The following EI24 variants were observed in gnomAD, a reference collection of about 807,000 sequenced individuals.
The protein encoded by EI24 is EI24 autophagy associated transmembrane protein, also known as etoposide-induced protein 2.4 homolog.
A neutral mutation model predicts 48.6 loss-of-function variants in EI24; 21 were observed. The ratio of observed to expected loss-of-function variants is 0.43; its 90% CI spans 0.31 to 0.62. EI24 has a LOEUF of 0.62. EI24 is among the 20% of genes least tolerant of loss of function. The pLI, the probability that EI24 is intolerant of heterozygous loss-of-function variation, is 0.10. For synonymous variants in EI24, 114 were observed against 145.5 expected (o/e 0.78, Z 1.56); for missense variants, 280 against 410.5 (o/e 0.68, Z 2.75).
intron 1 of EI24, chr11:125,569,818 G>C: frequency 3.9e-6 from 1 of 253,622 alleles, no homozygotes; most frequent in Non-Finnish European, 7.5e-6. Context: ...TCCGCACCTC[G>C]CGTGATCCGT....
In EI24 at chr11:125,581,564, T is replaced by TTTG. The variant is rs1463055184; in HGVS notation, c.785+242_785+243insTTG. On this transcript the variant is annotated intron_variant, in intron 9 of 10. Transcript: ENST00000278903. Reference sequence around the variant, plus strand: ...TTTTTTTTTTTTTTTTTTTTTTTTTTGAGACAGAGTCTCACTCTGTCGCCC... The same window carrying TTTG: ...TTTTTTTTTTTTTTTTTTTTTTTTTTTTGGAGACAGAGTCTCACTCTGTCGCCC... Among the ~76,000 whole-genome samples, 3 of 133,202 alleles carry TTTG rather than the reference T, an allele frequency of 2.3e-5. 1 individual carries two copies. The highest frequency in any genetic ancestry group is 3.2e-5 in the Non-Finnish European group (2 of 61,788). 87.4% of individuals were successfully genotyped at this position (133,202 alleles called of 152,430 possible).
Position 125,580,197 on chromosome 11 carries a change from C to T in EI24, c.666C>T (p.Phe222=). ...TGTACTGCTTTGAATATCGTTGGTT[C>T]AATAAAGGTAAGTCCATCTAAAGAA... ...YSLYCFEYRW[F]NKGIEMHQRL... is the part of the protein sequence containing the mutation. The change falls in exon 8 of 11, where the codon TTC becomes TTT. Residue 222 remains phenylalanine (F), a synonymous_variant. Coordinates refer to ENST00000278903, the MANE Select transcript of EI24 (RefSeq NM_004879.5). 6.2e-7 allele frequency: 1 copy of T among 1,608,582 alleles called. No homozygotes were observed. Among genetic ancestry groups the T allele is most frequent in the Non-Finnish European group, 8.5e-7 (1 of 1,175,090 alleles).
chr11:125,574,321 G>A (rs1256762502), intron 2 of EI24, among the ~76,000 whole-genome samples: 1 of 152,088 alleles, frequency 6.6e-6, no homozygotes, highest in African/African-American at 2.4e-5. Context: ...CTGCCCCACT[G>A]GACTGTAGAT....
Position 125,569,540 on chromosome 11 carries a change from G to T in EI24, c.-104G>T. The T allele has an allele frequency of 2.7e-6, 1 of 376,876 alleles. No homozygotes were observed. 23.3% of individuals were successfully genotyped at this position (376,876 alleles called of 1,614,324 possible). On this transcript the variant is annotated 5_prime_UTR_variant, in exon 1 of 11. Transcript: ENST00000278903. ...GCGGAGCTGGCCTGCGGTGGGCTAG[G>T]GGCAGGGCCGGAGCCGCGGCGGCGG...
chr11:125,577,611 G>A (rs1386677718), intron 5 of EI24, 41 bp downstream of exon 5: 1 of 1,524,866 alleles, frequency 6.6e-7, no homozygotes, highest in Admixed American at 1.9e-5. Context: ...GGGACAGAGT[G>A]GGAGATGATG....
At chr11:125,572,814 C>A (rs1014149329) in intron 2 of EI24, among the ~76,000 whole-genome samples, 2 of 142,304 alleles carry the variant, frequency 1.4e-5, no homozygotes, top group African/African-American at 5.2e-5. Flanking sequence ...CCCTAATCAT[C>A]TTGGCTTCAG....
intron 10 of EI24, among the ~76,000 whole-genome samples, chr11:125,583,304 A>C (rs1939091280): frequency 6.6e-6 from 1 of 152,078 alleles, no homozygotes. Context: ...TCAGCCTCCC[A>C]AAGTGCTGGG....
At chr11:125,578,793 G>A (rs1299864807) in intron 6 of EI24, among the ~76,000 whole-genome samples, 156 bp from the exon 7 acceptor site, 2 of 152,166 alleles carry the variant, frequency 1.3e-5, no homozygotes, top group African/African-American at 2.4e-5. Flanking sequence ...AGCCTCCTGA[G>A]TAGCTGGGAC....
Position 125,581,198 on chromosome 11 carries a change from TTTC to T in EI24, c.674-10_674-8del. The T allele has an allele frequency of 6.3e-7, 1 of 1,590,538 alleles. No individual in the cohort carries two copies. Among genetic ancestry groups the T allele is most frequent in the Non-Finnish European group, 8.6e-7 (1 of 1,161,404 alleles). The stretch of plus-strand genomic sequence containing the variant: ...AAATATAATATCTAATTGTATTGGC[TTTC>T]TTGTTTTAGGAATTGAAATGCACCA... On this transcript the variant is annotated splice_polypyrimidine_tract_variant and intron_variant, in intron 8 of 10. Coordinates refer to ENST00000278903, the MANE Select transcript of EI24 (RefSeq NM_004879.5).
chr11:125,571,692 C>G (rs544748488), intron 1 of EI24, among the ~76,000 whole-genome samples: 31 of 152,190 alleles, frequency 2.0e-4, no homozygotes, highest in African/African-American at 7.2e-4. Context: ...GCCTGGCCAA[C>G]ATGGCGAAAC....
chr11:125,583,725 C>T lies in EI24; in HGVS notation c.*42C>T, dbSNP rs760187063. The T allele has an allele frequency of 4.4e-6, 7 of 1,590,648 alleles. No individual in the cohort carries two copies. Among genetic ancestry groups the T allele is most frequent in the Non-Finnish European group, 6.0e-6 (7 of 1,168,384 alleles). ...AGGGGATGGGCGGGATTGGAAGAAG[C>T]TGTGGCAGCTCTTTTCCCTGTTCAC... On this transcript the variant is annotated 3_prime_UTR_variant, in exon 11 of 11. Coordinates refer to ENST00000278903, the MANE Select transcript of EI24 (RefSeq NM_004879.5).
At chr11:125,579,560 G>A (rs905936463) in intron 7 of EI24, among the ~76,000 whole-genome samples, 9 of 151,994 alleles carry the variant, frequency 5.9e-5, no homozygotes, top group Admixed American at 4.6e-4. Flanking sequence ...CCAGCTACTC[G>A]GGAAGCTGAG....
chr11:125,578,041 G>T, intron 5 of EI24, 92 bp from the exon 6 acceptor site: 1 of 1,472,960 alleles, frequency 6.8e-7, no homozygotes, highest in Middle Eastern at 2.4e-4. Flanking sequence ...GATCCAGGAG[G>T]AGACAGAGAA....
rs1939048334 is a variant in EI24 at position 125,582,370 on chromosome 11, T to C, written c.810T>C (p.Phe270=). The C allele has an allele frequency of 1.3e-6, 2 of 1,594,640 alleles. No homozygotes were observed. Among genetic ancestry groups the C allele is most frequent in the Non-Finnish European group, 1.7e-6 (2 of 1,171,046 alleles). The stretch of plus-strand genomic sequence containing the variant: ...GTGGCTGCCTTTTCTCTATCCTCTT[T>C]CCTTTATTCATTATCAGCGCCAATG... The part of the protein sequence containing the change: ...IISGCLFSIL[F]PLFIISANEA... Residue 270 remains phenylalanine, a synonymous_variant, in exon 10 of 11, where the codon TTT becomes TTC. Coordinates refer to ENST00000278903, the MANE Select transcript of EI24 (RefSeq NM_004879.5).
intron 8 of EI24, 118 bp downstream of exon 8, chr11:125,580,322 A>T: frequency 1.3e-6 from 1 of 760,734 alleles, no homozygotes; most frequent in Non-Finnish European, 2.3e-6. Flanking sequence ...TGAGGGAAGC[A>T]GCCTCATTGG....
At position 125,577,866 on chromosome 11, in the gene EI24, C is replaced by T. The variant is rs1591357709; in HGVS notation, c.317-267C>T. The T allele has an allele frequency of 3.3e-5, 19 of 576,878 alleles. No homozygotes were observed. The East Asian group carries it at 5.4e-4, about 17-fold the overall frequency. 35.7% of individuals were successfully genotyped at this position (576,878 alleles called of 1,614,324 possible). ...CAGATGGTATCCTGCAGATAGCGTA[C>T]TGGTAATCACTGTGGCATCTCGTTA... On this transcript the variant is annotated intron_variant, in intron 5 of 10. Coordinates refer to ENST00000278903, the MANE Select transcript of EI24 (RefSeq NM_004879.5).
At position 125,583,805 on chromosome 11, in the gene EI24, C is replaced by T; in HGVS notation, c.*122C>T. ...CTCTGCCAAGGGCCCTCTGCGTATTCCCTTCTCTCTGAGGAATTGAAATTT... is the reference window on the plus strand; with the variant it reads ...CTCTGCCAAGGGCCCTCTGCGTATTTCCTTCTCTCTGAGGAATTGAAATTT... On this transcript the variant is annotated 3_prime_UTR_variant, in exon 11 of 11. Coordinates refer to ENST00000278903, the MANE Select transcript of EI24 (RefSeq NM_004879.5). The T allele has an allele frequency of 1.5e-6, 2 of 1,358,490 alleles. No individual in the cohort carries two copies. The highest frequency in any genetic ancestry group is 2.0e-6 in the Non-Finnish European group (2 of 989,844). The allele number at this position is 1,358,490 out of a possible 1,614,324, so 84.2% of individuals were successfully genotyped here. A position where few individuals can be genotyped will look rare whatever the true frequency, so the allele number is the denominator to read the frequency against.
At chr11:125,571,617 C>T (rs1185819629) in intron 1 of EI24, among the ~76,000 whole-genome samples, 1 of 152,164 alleles carries the variant, frequency 6.6e-6, no homozygotes, top group African/African-American at 2.4e-5. Context: ...TGGCTCATGC[C>T]TGTAATCCTA....
chr11:125,571,901 A>C (rs1740615189), intron 1 of EI24, among the ~76,000 whole-genome samples: 1 of 152,108 alleles, frequency 6.6e-6, no homozygotes, highest in Non-Finnish European at 1.5e-5. Flanking sequence ...AATAAAAAAG[A>C]CCTATTTGGA....
Sources: allele counts gnomAD v4.1 joint callset (sites outside exome capture counted in the v4.1 genomes callset), GRCh38; gene constraint gnomAD v4.1.1; transcripts MANE v1.5; gene names NCBI Gene and HGNC (gene_info 2026-07-23, HGNC 2026-07-21).